Variants in DNER observed in about 807,000 individuals in gnomAD.
DNER encodes delta and Notch-like epidermal growth factor-related receptor.
DNER carries 33 observed loss-of-function variants against 78.2 expected under a neutral mutation model. That is an observed-to-expected ratio of 0.42 (90% CI 0.32 to 0.56). DNER has a LOEUF of 0.56. DNER is among the 20% of genes least tolerant of loss of function. The pLI, the probability that DNER is intolerant of heterozygous loss-of-function variation, is 0.11. For missense variants in DNER, 918 were observed against 975.3 expected (o/e 0.94, Z 0.78); for synonymous variants, 417 against 384.8 (o/e 1.08, Z -0.98).
intron 12 of DNER, among the ~76,000 whole-genome samples, 169 bp downstream of exon 12, chr2:229,366,704 G>C (rs576440212): frequency 5.9e-5 from 9 of 152,292 alleles, no homozygotes; most frequent in Admixed American, 3.9e-4. Context: ...ATTAAAAGGA[G>C]TTTGCTTATC....
chr2:229,567,574 C>T (rs1176858489), intron 4 of DNER, among the ~76,000 whole-genome samples: 1 of 152,172 alleles, frequency 6.6e-6, no homozygotes, highest in African/African-American at 2.4e-5. Flanking sequence ...CCAAAAACAG[C>T]CCTGACCATG....
chr2:229,647,404 A>G (rs1207254606), intron 1 of DNER, among the ~76,000 whole-genome samples: 2 of 152,238 alleles, frequency 1.3e-5, no homozygotes, highest in East Asian at 1.9e-4. Context: ...TCATTACACT[A>G]ATATTAGAAC....
At chr2:229,378,399 TC>T (rs1692656437) in intron 11 of DNER, among the ~76,000 whole-genome samples, 1 of 152,106 alleles carries the variant, frequency 6.6e-6, no homozygotes, top group Non-Finnish European at 1.5e-5. Context: ...AGAAGAGAGC[TC>T]CAGGCATAGG....
At chr2:229,379,146 C>T (rs770958105) in intron 11 of DNER, among the ~76,000 whole-genome samples, 7 of 152,156 alleles carry the variant, frequency 4.6e-5, no homozygotes, top group Non-Finnish European at 8.8e-5. Flanking sequence ...CTCAGAATAG[C>T]CACTGTCCTG....
chr2:229,479,413 T>TA (rs1008064150), intron 6 of DNER, among the ~76,000 whole-genome samples: 1 of 152,064 alleles, frequency 6.6e-6, no homozygotes, highest in African/African-American at 2.4e-5. Flanking sequence ...GAGCTTGATA[T>TA]AAAAACCATC....
intron 6 of DNER, among the ~76,000 whole-genome samples, chr2:229,481,488 G>A (rs1289210981): frequency 6.6e-6 from 1 of 152,040 alleles, no homozygotes; most frequent in Admixed American, 6.5e-5. Flanking sequence ...CTTCACTGAA[G>A]GTGTTGGGCA....
At chr2:229,461,213 A>T (rs1001301255) in intron 7 of DNER, among the ~76,000 whole-genome samples, 9 of 152,078 alleles carry the variant, frequency 5.9e-5, no homozygotes, top group African/African-American at 9.7e-5. Context: ...ATATACAGAC[A>T]TACATTATAT....
chr2:229,611,365 T>C (rs995645900), intron 1 of DNER, among the ~76,000 whole-genome samples: 7 of 152,218 alleles, frequency 4.6e-5, no homozygotes, highest in African/African-American at 1.7e-4. Flanking sequence ...CCAAGAAAGT[T>C]TGGGAATCCC....
At chr2:229,552,848 G>A (rs759224904) in intron 4 of DNER, among the ~76,000 whole-genome samples, 7 of 152,104 alleles carry the variant, frequency 4.6e-5, no homozygotes, top group African/African-American at 7.2e-5. Flanking sequence ...CAAAAAGCTA[G>A]GCCTGGACTA....
chr2:229,483,097 G>C (rs540185077), intron 6 of DNER, among the ~76,000 whole-genome samples: 1 of 152,256 alleles, frequency 6.6e-6, no homozygotes, highest in African/African-American at 2.4e-5. Context: ...TTTCCTGTTG[G>C]ATGGCAATAA....
chr2:229,440,380 C>T (rs1694206056), intron 8 of DNER, among the ~76,000 whole-genome samples: 1 of 152,048 alleles, frequency 6.6e-6, no homozygotes, highest in Non-Finnish European at 1.5e-5. Context: ...GGGCAGTGCC[C>T]TCTCATCCTC....
chr2:229,539,955 C>T (rs894953425), intron 5 of DNER, among the ~76,000 whole-genome samples: 1 of 152,182 alleles, frequency 6.6e-6, no homozygotes, highest in African/African-American at 2.4e-5. Flanking sequence ...CTTGCTAGAC[C>T]AGTATGTATC....
intron 11 of DNER, 22 bp downstream of exon 11, chr2:229,388,243 G>A: frequency 2.5e-6 from 4 of 1,597,306 alleles, no homozygotes; most frequent in Non-Finnish European, 3.4e-6. Flanking sequence ...AATAACAGTG[G>A]CTGAGCTGCA....
At chr2:229,359,292 A>G (rs539080217) in intron 12 of DNER, among the ~76,000 whole-genome samples, 28 of 152,356 alleles carry the variant, frequency 1.8e-4, no homozygotes, top group African/African-American at 5.0e-4. Flanking sequence ...CCATTGTCCC[A>G]ACAGATTTGT....
chr2:229,573,001 A>G (rs2154214075), intron 4 of DNER, among the ~76,000 whole-genome samples: 1 of 152,298 alleles, frequency 6.6e-6, no homozygotes, highest in Admixed American at 6.5e-5. Context: ...AGTGTCCTAC[A>G]TGTAGTCATT....
At chr2:229,621,578 T>C (rs1698251919) in intron 1 of DNER, among the ~76,000 whole-genome samples, 2 of 135,900 alleles carry the variant, frequency 1.5e-5, no homozygotes. Flanking sequence ...GTTTTTTTTT[T>C]AACCTGGAAC....
At chr2:229,615,982 GA>G (rs529100761) in intron 1 of DNER, among the ~76,000 whole-genome samples, 340 of 152,248 alleles carry the variant, frequency 2.2e-3, no homozygotes, top group African/African-American at 7.6e-3. Flanking sequence ...AAAAGTGAAG[GA>G]ACCCCTTTTA....
At chr2:229,570,953 T>C (rs1300512223) in intron 4 of DNER, among the ~76,000 whole-genome samples, 1 of 152,158 alleles carries the variant, frequency 6.6e-6, no homozygotes, top group African/African-American at 2.4e-5. Flanking sequence ...TCTTGGCTTC[T>C]GCTCTGAGGG....
chr2:229,524,360 C>A (rs916000910), intron 5 of DNER, among the ~76,000 whole-genome samples: 9 of 152,114 alleles, frequency 5.9e-5, no homozygotes, highest in African/African-American at 1.7e-4. Context: ...TGTGCGTAAC[C>A]CAAAGATGCT....
Sources: gnomAD v4.1 joint callset for allele counts (sites outside exome capture counted in the v4.1 genomes callset) on GRCh38, gnomAD v4.1.1 for gene constraint, MANE v1.5 for transcripts, NCBI Gene and HGNC (gene_info 2026-07-23, HGNC 2026-07-21) for gene names.